CFAP47: variants seen among roughly 807,000 people sequenced by gnomAD.
CFAP47 encodes cilia and flagella associated protein 47.
CFAP47 carries 29 observed loss-of-function variants against 148.1 expected under a neutral mutation model. The observed-to-expected ratio is 0.20, with a 90% CI of 0.15 to 0.27. The LOEUF (loss-of-function observed/expected upper bound fraction) is 0.27. Among genes scored for constraint, CFAP47 ranks in the 10% least tolerant of loss-of-function variants. The probability of loss-of-function intolerance (pLI) is 1.00; values close to 1 mark genes in which losing one functional copy is unlikely to be tolerated. For synonymous variants in CFAP47, 664 were observed against 577.3 expected, an observed-to-expected ratio of 1.15 and a Z score of -2.15; for missense variants, 1,872 against 1,697.5, an observed-to-expected ratio of 1.10 and a Z score of -1.81.
intron 43 of CFAP47, among the ~76,000 whole-genome samples, chrX:36,200,831 G>A (rs1440816800): frequency 9.0e-6 from 1 of 111,482 alleles, no homozygotes. Context: ...ATATAACCTG[G>A]AATTTTACCC....
intron 40 of CFAP47, among the ~76,000 whole-genome samples, chrX:36,180,247 T>G (rs1230072353): frequency 1.8e-5 from 1 of 55,414 alleles, no homozygotes; most frequent in Non-Finnish European, 5.4e-5. Context: ...GAAACAGGAT[T>G]TTTAAAAAAA....
intron 57 of CFAP47, among the ~76,000 whole-genome samples, chrX:36,347,703 T>A (rs890006135): frequency 5.4e-5 from 6 of 110,754 alleles, no homozygotes; most frequent in African/African-American, 2.0e-4. Flanking sequence ...CACTGCATGT[T>A]CTCACTCATA....
intron 48 of CFAP47, among the ~76,000 whole-genome samples, chrX:36,244,567 G>A (rs925544470): frequency 9.0e-6 from 1 of 111,147 alleles, no homozygotes; most frequent in African/African-American, 3.3e-5. Flanking sequence ...TGGATCCCAC[G>A]GAAATACAAA....
chrX:36,233,181 T>G (rs1361397317), intron 46 of CFAP47, among the ~76,000 whole-genome samples: 6 of 111,448 alleles, frequency 5.4e-5, no homozygotes, highest in African/African-American at 1.3e-4. Context: ...GTTAATCTTC[T>G]GTCTCGTAGA....
intron 45 of CFAP47, among the ~76,000 whole-genome samples, chrX:36,210,364 C>T (rs782497906): frequency 8.9e-6 from 1 of 112,105 alleles, no homozygotes; most frequent in East Asian, 2.8e-4. Context: ...ATAGGCAACA[C>T]TTGTTATTGT....
At chrX:36,076,178 CTT>C (rs199694179) in intron 29 of CFAP47, among the ~76,000 whole-genome samples, 12 of 98,238 alleles carry the variant, frequency 1.2e-4, no homozygotes, top group African/African-American at 4.0e-4. Context: ...TCTTTTTTTT[CTT>C]TTTTTTTTTT....
At chrX:36,005,028 A>T (rs1936965171) in intron 21 of CFAP47, among the ~76,000 whole-genome samples, 1 of 110,505 alleles carries the variant, frequency 9.0e-6, no homozygotes, top group Non-Finnish European at 1.9e-5. Flanking sequence ...TATTTCTGTA[A>T]GGTAGGTAAT....
intron 1 of CFAP47, among the ~76,000 whole-genome samples, chrX:35,923,917 ATGTACATATATATGTGTATATATG>A (rs1285149450): frequency 1.0e-5 from 1 of 95,411 alleles, no homozygotes; most frequent in Non-Finnish European, 2.0e-5. Context: ...ATGTGTATAT[ATGTACATATATATGTGTATATATG>A]TACATGTGTA....
intron 2 of CFAP47, among the ~76,000 whole-genome samples, chrX:35,927,598 T>G (rs1409845988): frequency 3.8e-5 from 4 of 104,984 alleles, no homozygotes; most frequent in Admixed American, 1.0e-4. Context: ...TGAAGGAAGG[T>G]GTGTGTGTGT....
At chrX:36,187,660 A>T (rs942835930) in intron 40 of CFAP47, among the ~76,000 whole-genome samples, 1 of 111,683 alleles carries the variant, frequency 9.0e-6, no homozygotes, top group Non-Finnish European at 1.9e-5. Flanking sequence ...ATGTTTTTTT[A>T]AAAAGGTATT....
rs782092091 is a variant in CFAP47 at position 36,236,765 on chromosome X, C to A, written c.7238C>A (p.Ala2413Asp). 3.6e-5 allele frequency: 19 copies of A among 522,598 alleles called. No homozygotes were observed. The African/African-American group carries it at 3.9e-4, about 11-fold the overall frequency. The allele number at this position is 522,598 out of a possible 1,213,427, so 43.1% of individuals were successfully genotyped here. Reference sequence around the variant, plus strand: ...AAAGGGGTTGGGAAAAAACCTTCGGCCTTGGAACACATCACTGTGGAATGT... The same window carrying A: ...AAAGGGGTTGGGAAAAAACCTTCGGACTTGGAACACATCACTGTGGAATGT... ...DIKGVGKKPS[A>D]LEHITVECQV... Residue 2413 changes from alanine to aspartate, a missense_variant, in exon 48 of 64, where the codon GCC (alanine) becomes GAC (aspartate). Ala to Asp is a moderately radical substitution (Grantham distance 126, BLOSUM62 -2). Transcript: ENST00000378653.
intron 59 of CFAP47, among the ~76,000 whole-genome samples, chrX:36,350,692 ATT>A (rs1267390583): frequency 8.1e-5 from 7 of 85,988 alleles, no homozygotes; most frequent in African/African-American, 2.4e-4. Context: ...TTATTTATTT[ATT>A]TTTTTTTTTG....
chrX:36,054,866 G>A (rs1221566984), intron 26 of CFAP47, among the ~76,000 whole-genome samples: 7 of 109,780 alleles, frequency 6.4e-5, no homozygotes, highest in South Asian at 3.9e-4. Context: ...TCCGCCTCCC[G>A]GGTTCACGCC....
At chrX:36,350,691 TA>T (rs199663367) in intron 59 of CFAP47, among the ~76,000 whole-genome samples, 8,672 of 103,003 alleles carry the variant, frequency 0.084, 384 homozygotes, top group East Asian at 0.24. Context: ...ATTATTTATT[TA>T]TTTTTTTTTT....
At chrX:36,131,460 TA>T (rs754527309) in intron 33 of CFAP47, among the ~76,000 whole-genome samples, 78 of 110,357 alleles carry the variant, frequency 7.1e-4, no homozygotes, top group East Asian at 5.4e-3. Flanking sequence ...AAAACTGCTA[TA>T]AAAAAAAGTC....
intron 23 of CFAP47, 44 bp from the exon 24 acceptor site, chrX:36,035,651 G>A (rs1245103267): frequency 1.7e-5 from 5 of 288,992 alleles, no homozygotes; most frequent in African/African-American, 2.8e-5. Flanking sequence ...TAGATTGCAT[G>A]CTATAATTTT....
At chrX:36,278,364 A>C (rs1398516099) in intron 49 of CFAP47, among the ~76,000 whole-genome samples, 1 of 112,710 alleles carries the variant, frequency 8.9e-6, no homozygotes, top group East Asian at 2.8e-4. Context: ...ACTAGCAGTG[A>C]GCAAGGCTCC....
At chrX:36,244,691 A>G (rs1602066633) in intron 48 of CFAP47, among the ~76,000 whole-genome samples, 1 of 111,413 alleles carries the variant, frequency 9.0e-6, no homozygotes, top group East Asian at 2.8e-4. Context: ...GAATGTGAAG[A>G]CCTGAACAGA....
chrX:36,321,035 C>A (rs6632569), intron 57 of CFAP47, among the ~76,000 whole-genome samples: 13,112 of 111,183 alleles, frequency 0.12, 623 homozygotes, highest in East Asian at 0.26. Flanking sequence ...AGGTATATAA[C>A]CTTAAGAAAG....
Sources: gnomAD v4.1 joint callset for allele counts (sites outside exome capture counted in the v4.1 genomes callset) on GRCh38, gnomAD v4.1.1 for gene constraint, MANE v1.5 for transcripts, NCBI Gene and HGNC (gene_info 2026-07-23, HGNC 2026-07-21) for gene names.